SIRT1: variants seen among roughly 807,000 people sequenced by gnomAD.
SIRT1 encodes sirtuin 1.
Under a neutral mutation model 67.9 loss-of-function variants are expected in SIRT1, and 24 were observed. The ratio of observed to expected loss-of-function variants is 0.35; its 90% confidence interval spans 0.26 to 0.50. The LOEUF (loss-of-function observed/expected upper bound fraction) is 0.50. Ranked by LOEUF, SIRT1 falls within the 20% of genes least tolerant of loss-of-function variation. SIRT1 has a pLI of 0.98. For synonymous variants in SIRT1, 378 were observed against 350.7 expected (o/e 1.08, Z -0.87); for missense variants, 873 against 937.2 (o/e 0.93, Z 0.89).
chr10:67,885,301 C>G (rs1362913671), intron 1 of SIRT1, 150 bp downstream of exon 1: 1 of 1,240,922 alleles, frequency 8.1e-7, no homozygotes, highest in East Asian at 3.2e-5. Flanking sequence ...CCGCGCTCCT[C>G]CGGGGCTGCG....
rs1036194883 is a variant in SIRT1, at chr10:67,906,772, A to G, written c.943-18A>G. The G allele has an allele frequency of 8.7e-6, 14 of 1,602,880 alleles. No individual in the cohort carries two copies. The South Asian group carries it at 1.0e-4, about 12-fold the overall frequency. Reference sequence around the variant, plus strand: ...TATTTCACTAATGTAAATTTTTTCTACCATTTGCTTGATACAGGAAATATA... The same window carrying G: ...TATTTCACTAATGTAAATTTTTTCTGCCATTTGCTTGATACAGGAAATATA... On this transcript the variant is annotated intron_variant, in intron 4 of 8. Coordinates refer to ENST00000212015, the MANE Select transcript of SIRT1 (RefSeq NM_012238.5).
Position 67,891,439 on chromosome 10 carries a change from G to A in SIRT1, c.827G>A (p.Arg276Lys). ...TGTGGAATACCTGACTTCAGGTCAA[G>A]GGATGGTATTTATGCTCGCCTTGCT... ...VSCGIPDFRS[R>K]DGIYARLAVD... Residue 276 changes from arginine (R) to lysine (K), a missense_variant, in exon 4 of 9, where the codon AGG (arginine) becomes AAG (lysine). Around this residue, in one of 3 missense-constraint regions of SIRT1, gnomAD observed 251 missense variants for 358.8 expected, o/e 0.70. Transcript: ENST00000212015. 6.2e-7 allele frequency: 1 copy of A among 1,614,090 alleles called. No homozygotes were observed. Among genetic ancestry groups the A allele is most frequent in the East Asian group, 2.2e-5 (1 of 44,874 alleles).
intron 3 of SIRT1, among the ~76,000 whole-genome samples, chr10:67,889,713 T>C (rs1461859528): frequency 1.3e-5 from 2 of 152,168 alleles, no homozygotes; most frequent in African/African-American, 4.8e-5. Flanking sequence ...TGTAGTAAAA[T>C]TTTGTCCTGT....
At chr10:67,903,466 G>C (rs1842773611) in intron 4 of SIRT1, among the ~76,000 whole-genome samples, 1 of 150,548 alleles carries the variant, frequency 6.6e-6, no homozygotes, top group Non-Finnish European at 1.5e-5. Context: ...CTCACTACAA[G>C]CTCCACCTCC....
chr10:67,915,427 T>A (rs575614434), intron 8 of SIRT1, among the ~76,000 whole-genome samples: 1 of 152,344 alleles, frequency 6.6e-6, no homozygotes, highest in African/African-American at 2.4e-5. Context: ...TGATTTGGTG[T>A]GCTGTAGAAA....
In SIRT1 at chr10:67,916,792, T is replaced by TC; in HGVS notation, c.*199_*200insC. On this transcript the variant is annotated 3_prime_UTR_variant, in exon 9 of 9. Transcript: ENST00000212015. Reference sequence around the variant, plus strand: ...TACTTGTACAAACTCAACACTAACTTTTTTTTTTTTAAAAAAAAAAAGGTA... The same window carrying TC: ...TACTTGTACAAACTCAACACTAACTTCTTTTTTTTTTAAAAAAAAAAAGGTA... 1 of 341,368 alleles carries TC rather than the reference T, an allele frequency of 2.9e-6. No individual in the cohort carries two copies. The highest frequency in any genetic ancestry group is 5.3e-6 in the Non-Finnish European group (1 of 189,488). 21.1% of individuals were successfully genotyped at this position (341,368 alleles called of 1,614,324 possible).
chr10:67,890,545 G>A (rs1271971163), intron 3 of SIRT1, among the ~76,000 whole-genome samples: 1 of 151,632 alleles, frequency 6.6e-6, no homozygotes, highest in African/African-American at 2.4e-5. Context: ...TGGAGTTTGA[G>A]ATCACCCTGA....
intron 1 of SIRT1, among the ~76,000 whole-genome samples, 156 bp from the exon 2 acceptor site, chr10:67,887,260 TC>T (rs1305444715): frequency 1.3e-5 from 2 of 152,184 alleles, no homozygotes; most frequent in Non-Finnish European, 1.5e-5. Context: ...AAGAAACTGT[TC>T]CAATGAACAG....
At chr10:67,912,180 A>C (rs1340940506) in intron 7 of SIRT1, among the ~76,000 whole-genome samples, 2 of 152,142 alleles carry the variant, frequency 1.3e-5, no homozygotes, top group African/African-American at 4.8e-5. Context: ...TACTATTATC[A>C]TCCCCATTCT....
In SIRT1 at chr10:67,906,777, T is replaced by A; in HGVS notation, c.943-13T>A. On this transcript the variant is annotated splice_polypyrimidine_tract_variant and intron_variant, in intron 4 of 8. Coordinates refer to ENST00000212015, the MANE Select transcript of SIRT1 (RefSeq NM_012238.5). ...CACTAATGTAAATTTTTTCTACCAT[T>A]TGCTTGATACAGGAAATATATCCTG... 7 of 1,604,750 alleles carry A rather than the reference T, an allele frequency of 4.4e-6. No individual in the cohort carries two copies. Among genetic ancestry groups the A allele is most frequent in the Non-Finnish European group, 5.1e-6 (6 of 1,177,640 alleles).
At chr10:67,903,891 A>G (rs1367043225) in intron 4 of SIRT1, among the ~76,000 whole-genome samples, 1 of 151,950 alleles carries the variant, frequency 6.6e-6, no homozygotes, top group African/African-American at 2.4e-5. Context: ...AGCCCTCATG[A>G]TTGGTTGCTT....
intron 4 of SIRT1, among the ~76,000 whole-genome samples, chr10:67,900,141 T>TTTTA (rs1009928072): frequency 6.6e-6 from 1 of 152,164 alleles, no homozygotes; most frequent in East Asian, 1.9e-4. Context: ...CAGCTTTATT[T>TTTTA]TTTATTTATT....
chr10:67,896,578 T>G (rs2131861142), intron 4 of SIRT1, among the ~76,000 whole-genome samples: 1 of 152,064 alleles, frequency 6.6e-6, no homozygotes, highest in East Asian at 1.9e-4. Context: ...GGCGGATCAC[T>G]TGAGGCTGGG....
intron 4 of SIRT1, among the ~76,000 whole-genome samples, chr10:67,900,207 G>A (rs1305937087): frequency 6.6e-6 from 1 of 151,984 alleles, no homozygotes; most frequent in Non-Finnish European, 1.5e-5. Context: ...GTGCAGTGGT[G>A]CCATCTTGGC....
At chr10:67,906,647 C>T in intron 4 of SIRT1, 143 bp from the exon 5 acceptor site, 1 of 804,362 alleles carries the variant, frequency 1.2e-6, no homozygotes. Flanking sequence ...GTGTGTGTCG[C>T]ATCCATCTAG....
chr10:67,909,154 A>T (rs1229505132), intron 6 of SIRT1, 102 bp from the exon 7 acceptor site: 3 of 743,696 alleles, frequency 4.0e-6, no homozygotes, highest in East Asian at 2.9e-5. Context: ...TTTTTTTTTA[A>T]TAATTCTGAA....
chr10:67,910,790 A>T (rs537689564), intron 7 of SIRT1, among the ~76,000 whole-genome samples: 3 of 152,206 alleles, frequency 2.0e-5, no homozygotes, highest in Admixed American at 6.5e-5. Flanking sequence ...TTTCTTTGTC[A>T]TATATATTCT....
chr10:67,889,205 A>C, intron 3 of SIRT1, 82 bp downstream of exon 3: 1 of 1,443,944 alleles, frequency 6.9e-7, no homozygotes. Context: ...TCTGGTTTAG[A>C]AGGATTTATC....
chr10:67,893,733 C>CG (rs1283995619), intron 4 of SIRT1, among the ~76,000 whole-genome samples: 9 of 152,016 alleles, frequency 5.9e-5, no homozygotes, highest in Admixed American at 1.3e-4. Context: ...TTGGTAGAGA[C>CG]GGGGATTCAC....
Sources: allele counts gnomAD v4.1 joint callset (sites outside exome capture counted in the v4.1 genomes callset), GRCh38; gene constraint gnomAD v4.1.1; regional missense constraint gnomAD v4.1.1; transcripts MANE v1.5; gene names NCBI Gene and HGNC (gene_info 2026-07-23, HGNC 2026-07-21).